KCNMA1: variants seen among roughly 807,000 people sequenced by gnomAD.
The protein encoded by KCNMA1 is potassium calcium-activated channel subfamily M alpha 1, also known as Calcium-activated potassium channel subunit alpha-1.
KCNMA1 carries 29 observed loss-of-function variants against 140.0 expected under a neutral mutation model. That is an observed-to-expected ratio of 0.21 (90% CI 0.15 to 0.28). The LOEUF is 0.28. KCNMA1 is among the 10% of genes least tolerant of loss of function. KCNMA1 has a pLI of 1.00. For missense variants in KCNMA1, 880 were observed against 1,602.2 expected, an observed-to-expected ratio of 0.55 and a Z score of 7.70; for synonymous variants, 612 against 611.9, an observed-to-expected ratio of 1.00 and a Z score of 0.00.
intron 8 of KCNMA1, among the ~76,000 whole-genome samples, chr10:77,109,671 G>A (rs2097274089): frequency 6.6e-6 from 1 of 152,156 alleles, no homozygotes; most frequent in Non-Finnish European, 1.5e-5. Context: ...CAAGACTAAG[G>A]TGCTCTCTCT....
chr10:76,898,532 C>T (rs1349796862), intron 25 of KCNMA1, among the ~76,000 whole-genome samples: 3 of 151,120 alleles, frequency 2.0e-5, no homozygotes, highest in Admixed American at 2.0e-4. Flanking sequence ...AAATCAATGG[C>T]CAAAACCATC....
At chr10:77,436,429 T>C (rs1342900999) in intron 1 of KCNMA1, among the ~76,000 whole-genome samples, 1 of 149,266 alleles carries the variant, frequency 6.7e-6, no homozygotes, top group Non-Finnish European at 1.5e-5. Context: ...TGTTAACAGA[T>C]TACTAACCAT....
intron 20 of KCNMA1, among the ~76,000 whole-genome samples, chr10:76,968,971 A>T (rs1444004375): frequency 6.6e-6 from 1 of 152,214 alleles, no homozygotes; most frequent in Non-Finnish European, 1.5e-5. Flanking sequence ...TGGCCATGAA[A>T]AGACAAAACT....
chr10:76,936,580 T>C (rs1227520946), intron 23 of KCNMA1, among the ~76,000 whole-genome samples: 1 of 152,096 alleles, frequency 6.6e-6, no homozygotes, highest in Non-Finnish European at 1.5e-5. Flanking sequence ...GAGAGAATAT[T>C]GTGGTAATGA....
intron 20 of KCNMA1, 42 bp downstream of exon 20, chr10:76,969,932 G>A: frequency 6.7e-7 from 1 of 1,482,954 alleles, no homozygotes; most frequent in African/African-American, 1.4e-5. Flanking sequence ...AGGAAGAGAA[G>A]GGCTAAGAGG....
chr10:77,035,980 T>C (rs2094302728), intron 15 of KCNMA1, among the ~76,000 whole-genome samples: 1 of 152,170 alleles, frequency 6.6e-6, no homozygotes. Flanking sequence ...GAGATTAACA[T>C]TTGAGTCTGT....
rs143650328 is a variant in KCNMA1 at position 77,496,334 on chromosome 10, C to T, written c.379-92311G>A. 0.014 allele frequency among the ~76,000 whole-genome samples: 2,104 copies of T among 152,202 alleles called. 95 individuals carry two copies. In the East Asian group the frequency reaches 0.17, roughly 12 times the overall value. ...GGACAGGGCCGGGCACGGTGGCTCA[C>T]GCCTGTAATCCCAGCACTTTGGGAG... On this transcript the variant is annotated intron_variant, in intron 1 of 27. Coordinates refer to ENST00000286628, the MANE Select transcript of KCNMA1 (RefSeq NM_001161352.2).
Position 77,598,033 on chromosome 10 carries a change from G to A in KCNMA1, c.378+39232C>T, listed in dbSNP as rs144554031. 8.5e-3 allele frequency among the ~76,000 whole-genome samples: 1,288 copies of A among 152,162 alleles called. 11 individuals carry two copies. The highest frequency in any genetic ancestry group is 0.014 in the Non-Finnish European group (949 of 67,998). On this transcript the variant is annotated intron_variant, in intron 1 of 27. Transcript: ENST00000286628. ...GCCACCCAGGCTGGAGTGCAGTGGCGCGATCTCGGTTCACTGCAACCTCCG... is the reference window on the plus strand; with the variant it reads ...GCCACCCAGGCTGGAGTGCAGTGGCACGATCTCGGTTCACTGCAACCTCCG...
chr10:77,026,497 C>T (rs2093472754), intron 16 of KCNMA1, among the ~76,000 whole-genome samples: 1 of 152,194 alleles, frequency 6.6e-6, no homozygotes, highest in South Asian at 2.1e-4. Flanking sequence ...GAAAATTCCA[C>T]CTCATCTGCT....
intron 5 of KCNMA1, among the ~76,000 whole-genome samples, chr10:77,183,145 A>G (rs186914608): frequency 2.6e-5 from 4 of 152,114 alleles, no homozygotes; most frequent in Non-Finnish European, 5.9e-5. Context: ...AAGTGACAGA[A>G]CCATGAACAT....
At chr10:77,287,736 G>C (rs2071560845) in intron 2 of KCNMA1, among the ~76,000 whole-genome samples, 1 of 152,178 alleles carries the variant, frequency 6.6e-6, no homozygotes, top group South Asian at 2.1e-4. Flanking sequence ...CAAGCTGAAA[G>C]CACACCAAGT....
intron 1 of KCNMA1, among the ~76,000 whole-genome samples, chr10:77,605,822 C>G (rs911372147): frequency 2.0e-5 from 3 of 152,228 alleles, no homozygotes; most frequent in Non-Finnish European, 4.4e-5. Context: ...ACTGCCACAT[C>G]CTTTACACAC....
At chr10:77,567,470 G>A (rs1221163577) in intron 1 of KCNMA1, among the ~76,000 whole-genome samples, 6 of 152,264 alleles carry the variant, frequency 3.9e-5, no homozygotes, top group Admixed American at 3.3e-4. Flanking sequence ...AGGAACTACC[G>A]GCAGTTATGA....
intron 2 of KCNMA1, among the ~76,000 whole-genome samples, chr10:77,356,120 C>G (rs2093458318): frequency 6.6e-6 from 1 of 152,140 alleles, no homozygotes; most frequent in South Asian, 2.1e-4. Context: ...ACATACAGCT[C>G]AAGGGCAGAG....
At chr10:77,184,156 C>T (rs1049775835) in intron 4 of KCNMA1, among the ~76,000 whole-genome samples, 1 of 152,016 alleles carries the variant, frequency 6.6e-6, no homozygotes, top group Non-Finnish European at 1.5e-5. Context: ...TCTCAGGGCT[C>T]AGCTAAGTGA....
chr10:77,143,345 T>A (rs867853906), intron 5 of KCNMA1, among the ~76,000 whole-genome samples: 1 of 152,232 alleles, frequency 6.6e-6, no homozygotes, highest in Middle Eastern at 3.4e-3. Context: ...TTAATAGGCA[T>A]CAAAAAATAA....
intron 1 of KCNMA1, among the ~76,000 whole-genome samples, chr10:77,527,912 T>C (rs1421946565): frequency 2.0e-5 from 3 of 152,048 alleles, no homozygotes; most frequent in Admixed American, 2.0e-4. Flanking sequence ...CCATCCAGGA[T>C]GTTGTCTATG....
chr10:77,355,073 T>G (rs1194731642), intron 2 of KCNMA1: 1 of 152,482 alleles, frequency 6.6e-6, no homozygotes, highest in East Asian at 1.9e-4. Context: ...TCCCCCATAC[T>G]GTTCTCGTGG....
intron 1 of KCNMA1, among the ~76,000 whole-genome samples, chr10:77,497,937 A>T (rs1603629867): frequency 1.3e-5 from 2 of 152,196 alleles, no homozygotes; most frequent in East Asian, 3.9e-4. Flanking sequence ...TCCATTTACA[A>T]ATACCATGGC....
Sources: gnomAD v4.1 joint callset for allele counts (sites outside exome capture counted in the v4.1 genomes callset) on GRCh38, gnomAD v4.1.1 for gene constraint, MANE v1.5 for transcripts, NCBI Gene and HGNC (gene_info 2026-07-23, HGNC 2026-07-21) for gene names.